CDK6: variants seen among roughly 807,000 people sequenced by gnomAD.
CDK6 encodes the protein cyclin dependent kinase 6.
In CDK6, 6 loss-of-function variants were observed where a neutral mutation model predicts 37.1. That is an observed-to-expected ratio of 0.16 (90% CI 0.09 to 0.32). The LOEUF is 0.32. Ranked by LOEUF, CDK6 falls within the 10% of genes least tolerant of loss-of-function variation. The probability of loss-of-function intolerance (pLI) is 1.00; values close to 1 mark genes in which losing one functional copy is unlikely to be tolerated. For synonymous variants in CDK6, 160 were observed against 161.3 expected (o/e 0.99, Z 0.06); for missense variants, 224 against 418.9 (o/e 0.53, Z 4.06).
intron 2 of CDK6, among the ~76,000 whole-genome samples, chr7:92,782,497 A>G (rs1800018664): frequency 6.6e-6 from 1 of 152,226 alleles, no homozygotes; most frequent in Admixed American, 6.5e-5. Context: ...GGACAGGAGC[A>G]TAATAATCAG....
chr7:92,828,738 T>G (rs1353676064), intron 2 of CDK6, among the ~76,000 whole-genome samples: 3 of 152,206 alleles, frequency 2.0e-5, no homozygotes, highest in African/African-American at 7.2e-5. Flanking sequence ...CATAGAGAGA[T>G]TCTAATAATT....
At chr7:92,641,296 T>C (rs555809938) in intron 5 of CDK6, among the ~76,000 whole-genome samples, 21 of 152,338 alleles carry the variant, frequency 1.4e-4, no homozygotes, top group Non-Finnish European at 2.5e-4. Flanking sequence ...TCTGTTATTA[T>C]TGATTGTCAG....
intron 3 of CDK6, among the ~76,000 whole-genome samples, chr7:92,730,800 A>G (rs772056213): frequency 6.6e-6 from 1 of 152,214 alleles, no homozygotes; most frequent in African/African-American, 2.4e-5. Context: ...GCACCTCAGT[A>G]GTTTCCACTT....
intron 3 of CDK6, among the ~76,000 whole-genome samples, chr7:92,729,699 G>A (rs531490406): frequency 1.1e-3 from 173 of 152,206 alleles, no homozygotes; most frequent in African/African-American, 3.9e-3. Flanking sequence ...ACTAAAAAAC[G>A]ACTTCAGGCT....
intron 5 of CDK6, chr7:92,671,201 C>A: frequency 2.8e-6 from 1 of 355,518 alleles, no homozygotes; most frequent in Non-Finnish European, 5.0e-6. Context: ...GTGGGGTATT[C>A]CTTCCCAGGC....
intron 6 of CDK6, among the ~76,000 whole-genome samples, chr7:92,618,870 T>C (rs1300994151): frequency 2.0e-5 from 3 of 152,180 alleles, no homozygotes; most frequent in Non-Finnish European, 4.4e-5. Context: ...CTGAAAACCA[T>C]TCTGGGATCA....
Position 92,620,008 on chromosome 7 carries a change from T to C in CDK6, c.699-1801A>G, listed in dbSNP as rs377061300. Among the ~76,000 whole-genome samples the C allele has an allele frequency of 7.2e-5, 11 of 152,330 alleles. No individual in the cohort carries two copies. In the East Asian group the frequency reaches 1.9e-3, roughly 27 times the overall value. On this transcript the variant is annotated intron_variant, in intron 6 of 7. Transcript: ENST00000424848. The stretch of plus-strand genomic sequence containing the variant: ...TTGTTAGAGAGCTTTAAAAATTTCC[T>C]TTCATTCCTTTTTAGTTGTCAGGTC...
At chr7:92,678,440 A>AG (rs1461112748) in intron 4 of CDK6, among the ~76,000 whole-genome samples, 1 of 152,012 alleles carries the variant, frequency 6.6e-6, no homozygotes, top group Non-Finnish European at 1.5e-5. Flanking sequence ...AGCGGAAGGC[A>AG]GGGGGGAGTT....
chr7:92,717,290 T>TA (rs1284956986), intron 4 of CDK6, among the ~76,000 whole-genome samples: 1 of 151,172 alleles, frequency 6.6e-6, no homozygotes, highest in Non-Finnish European at 1.5e-5. Context: ...TGCACTAAGC[T>TA]ATGACTGTGC....
At chr7:92,809,498 C>G (rs1800817482) in intron 2 of CDK6, among the ~76,000 whole-genome samples, 1 of 152,174 alleles carries the variant, frequency 6.6e-6, no homozygotes, top group African/African-American at 2.4e-5. Context: ...TTCCTAAAAC[C>G]AAAGCTGCAA....
intron 5 of CDK6, among the ~76,000 whole-genome samples, chr7:92,653,797 G>A (rs1330278074): frequency 2.0e-5 from 3 of 152,006 alleles, no homozygotes; most frequent in Non-Finnish European, 4.4e-5. Context: ...TTTAGAGACA[G>A]GGTCTCACCG....
intron 2 of CDK6, among the ~76,000 whole-genome samples, chr7:92,808,717 G>A (rs1800791434): frequency 6.6e-6 from 1 of 152,142 alleles, no homozygotes; most frequent in South Asian, 2.1e-4. Context: ...TTGAGGTAGG[G>A]TGGTTAGATG....
chr7:92,825,100 C>T (rs1801276054), intron 2 of CDK6, among the ~76,000 whole-genome samples: 1 of 152,074 alleles, frequency 6.6e-6, no homozygotes, highest in Non-Finnish European at 1.5e-5. Flanking sequence ...TGCATCTCTA[C>T]CCCATTGTGA....
chr7:92,743,236 C>T (rs558646747), intron 3 of CDK6, among the ~76,000 whole-genome samples: 25 of 151,390 alleles, frequency 1.7e-4, no homozygotes, highest in South Asian at 1.3e-3. Context: ...ATTAGCTGGG[C>T]GTGGTGGCAG....
At chr7:92,644,095 C>T (rs1263081864) in intron 5 of CDK6, among the ~76,000 whole-genome samples, 2 of 152,214 alleles carry the variant, frequency 1.3e-5, no homozygotes, top group Non-Finnish European at 2.9e-5. Context: ...GCTATCTGTG[C>T]AGTGGTCAGA....
At chr7:92,786,655 AT>A (rs1427862738) in intron 2 of CDK6, among the ~76,000 whole-genome samples, 3 of 148,808 alleles carry the variant, frequency 2.0e-5, no homozygotes, top group Admixed American at 6.7e-5. Flanking sequence ...ATATATATAT[AT>A]AAATAATCTG....
At chr7:92,654,150 T>C (rs1796637011) in intron 5 of CDK6, among the ~76,000 whole-genome samples, 1 of 151,946 alleles carries the variant, frequency 6.6e-6, no homozygotes, top group Admixed American at 6.5e-5. Flanking sequence ...GGTCTCTCCA[T>C]CTCAGATTGC....
intron 2 of CDK6, among the ~76,000 whole-genome samples, chr7:92,814,555 CAAA>C (rs201939605): frequency 2.9e-5 from 2 of 70,028 alleles, no homozygotes; most frequent in Non-Finnish European, 3.4e-5. Context: ...AACTGAATTG[CAAA>C]AAAAAAAAAA....
intron 3 of CDK6, among the ~76,000 whole-genome samples, chr7:92,738,830 G>C (rs1798852158): frequency 7.5e-6 from 1 of 133,212 alleles, no homozygotes; most frequent in African/African-American, 3.3e-5. Flanking sequence ...TCTTGAACTA[G>C]TTGTTTTCTT....
Sources: allele counts gnomAD v4.1 joint callset (sites outside exome capture counted in the v4.1 genomes callset), GRCh38; gene constraint gnomAD v4.1.1; transcripts MANE v1.5; gene names NCBI Gene and HGNC (gene_info 2026-07-23, HGNC 2026-07-21).